The following RSPO2 variants were observed in gnomAD, a reference collection of about 807,000 sequenced individuals.
RSPO2 encodes the protein R-spondin-2.
In RSPO2, 14 loss-of-function variants were observed where a neutral mutation model predicts 30.9. The observed-to-expected ratio is 0.45, with a 90% confidence interval of 0.30 to 0.71. RSPO2 has a LOEUF of 0.71. Among genes scored for constraint, RSPO2 ranks in the 30% least tolerant of loss-of-function variants. The probability of loss-of-function intolerance (pLI) is 0.08; values close to 1 mark genes in which losing one functional copy is unlikely to be tolerated. For missense variants in RSPO2, 264 were observed against 301.9 expected, an observed-to-expected ratio of 0.87 and a Z score of 0.93; for synonymous variants, 107 against 96.4, an observed-to-expected ratio of 1.11 and a Z score of -0.64.
chr8:107,941,540 C>T (rs371022245), intron 5 of RSPO2, among the ~76,000 whole-genome samples: 5 of 151,992 alleles, frequency 3.3e-5, no homozygotes, highest in African/African-American at 9.7e-5. Flanking sequence ...AGATAGCCCC[C>T]GGCTAGATAT....
intron 2 of RSPO2, among the ~76,000 whole-genome samples, chr8:108,072,752 A>G (rs1156752690): frequency 6.6e-6 from 1 of 152,090 alleles, no homozygotes; most frequent in Non-Finnish European, 1.5e-5. Context: ...AATAACAACA[A>G]CAACTTTGGA....
At chr8:107,924,628 G>T (rs187606902) in intron 5 of RSPO2, among the ~76,000 whole-genome samples, 1 of 152,132 alleles carries the variant, frequency 6.6e-6, no homozygotes, top group Non-Finnish European at 1.5e-5. Flanking sequence ...TAGTAATTAA[G>T]AGCAGTAGGG....
Position 107,901,090 on chromosome 8 carries a change from G to A in RSPO2, c.717C>T (p.Asp239=), listed in dbSNP as rs1811444396. 6.2e-7 allele frequency: 1 copy of A among 1,613,798 alleles called. No homozygotes were observed. The highest frequency in any genetic ancestry group is 8.5e-7 in the Non-Finnish European group (1 of 1,179,990). The change falls in exon 6 of 6, where the codon GAC becomes GAT. Residue 239 remains aspartate (D), a synonymous_variant. Transcript: ENST00000276659. ...ATCTCTTGTTTTATTGGTTAGCTCTGTCTGTAGCTAGGAAGACGCTGTGTT... is the reference window on the plus strand; with the variant it reads ...ATCTCTTGTTTTATTGGTTAGCTCTATCTGTAGCTAGGAAGACGCTGTGTT... The part of the protein sequence containing the change: ...QEQHSVFLAT[D]RANQ
chr8:107,947,774 C>G (rs894631260), intron 5 of RSPO2, among the ~76,000 whole-genome samples: 1 of 152,236 alleles, frequency 6.6e-6, no homozygotes, highest in Non-Finnish European at 1.5e-5. Context: ...CTCCACAGTA[C>G]ACAAGGTAAA....
chr8:107,992,306 A>G (rs572013409), intron 2 of RSPO2, among the ~76,000 whole-genome samples: 3 of 152,272 alleles, frequency 2.0e-5, no homozygotes, highest in East Asian at 1.9e-4. Flanking sequence ...ACACAGAAAC[A>G]GAAAACAAAA....
At chr8:107,914,214 G>C (rs1159848153) in intron 5 of RSPO2, among the ~76,000 whole-genome samples, 1 of 152,098 alleles carries the variant, frequency 6.6e-6, no homozygotes, top group Non-Finnish European at 1.5e-5. Context: ...ACTGAAACTT[G>C]AGCTAAATTG....
chr8:108,069,356 G>A (rs1261107602), intron 2 of RSPO2, among the ~76,000 whole-genome samples: 1 of 152,134 alleles, frequency 6.6e-6, no homozygotes, highest in Non-Finnish European at 1.5e-5. Flanking sequence ...TAGGACTACA[G>A]GCATGCACCA....
At chr8:108,008,036 C>A (rs1049627497) in intron 2 of RSPO2, among the ~76,000 whole-genome samples, 29 of 152,148 alleles carry the variant, frequency 1.9e-4, no homozygotes, top group South Asian at 2.1e-4. Context: ...CATAGGCATT[C>A]ACGTATGCAG....
intron 5 of RSPO2, among the ~76,000 whole-genome samples, chr8:107,912,312 C>T (rs1811850133): frequency 6.6e-6 from 1 of 152,150 alleles, no homozygotes; most frequent in Non-Finnish European, 1.5e-5. Context: ...GCGAAGTTAA[C>T]TGCATGCAAT....
At chr8:107,950,360 C>G (rs1303414570) in intron 5 of RSPO2, among the ~76,000 whole-genome samples, 1 of 152,096 alleles carries the variant, frequency 6.6e-6, no homozygotes, top group Admixed American at 6.6e-5. Context: ...TGGTAGCAAA[C>G]CTAAAGTCAA....
chr8:108,030,005 AT>A (rs1445083431), intron 2 of RSPO2, among the ~76,000 whole-genome samples: 1 of 149,958 alleles, frequency 6.7e-6, no homozygotes, highest in Non-Finnish European at 1.5e-5. Context: ...GAGTTCAAAC[AT>A]TTTTTTTAAA....
At chr8:107,984,443 TTAAGG>T (rs1328183884) in intron 3 of RSPO2, among the ~76,000 whole-genome samples, 2 of 152,238 alleles carry the variant, frequency 1.3e-5, no homozygotes, top group East Asian at 1.9e-4. Flanking sequence ...TTTTGTTTGT[TTAAGG>T]TAAGATCCAC....
intron 2 of RSPO2, among the ~76,000 whole-genome samples, chr8:108,040,651 AGATGAT>A (rs1811726710): frequency 6.6e-6 from 1 of 152,194 alleles, no homozygotes; most frequent in Non-Finnish European, 1.5e-5. Flanking sequence ...AAGAGTAATC[AGATGAT>A]GACTAATGTG....
At chr8:108,006,140 T>C (rs1322493287) in intron 2 of RSPO2, among the ~76,000 whole-genome samples, 1 of 152,130 alleles carries the variant, frequency 6.6e-6, no homozygotes, top group East Asian at 1.9e-4. Flanking sequence ...CCAAAGTTTC[T>C]AAATTAGAAT....
rs989977665 is a variant in RSPO2, at chr8:108,083,352, G to T, written c.-325C>A. Reference sequence around the variant, plus strand: ...TCTGGAATTCCAGCGGCCGCCGCGGGGTTGGCGACGCCAGGCAGGAGCGCG... The same window carrying T: ...TCTGGAATTCCAGCGGCCGCCGCGGTGTTGGCGACGCCAGGCAGGAGCGCG... On this transcript the variant is annotated 5_prime_UTR_variant, in exon 1 of 6. Transcript: ENST00000276659. 6.6e-6 allele frequency: 1 copy of T among 152,326 alleles called. No individual in the cohort carries two copies. The highest frequency in any genetic ancestry group is 1.5e-5 in the Non-Finnish European group (1 of 68,124). 9.4% of individuals were successfully genotyped at this position (152,326 alleles called of 1,614,324 possible).
intron 5 of RSPO2, among the ~76,000 whole-genome samples, chr8:107,947,500 T>C (rs1282805017): frequency 6.6e-6 from 1 of 152,068 alleles, no homozygotes; most frequent in Non-Finnish European, 1.5e-5. Flanking sequence ...CAAAAAGAGA[T>C]ACAGGGGCCA....
intron 5 of RSPO2, among the ~76,000 whole-genome samples, chr8:107,903,064 A>G (rs539919836): frequency 5.9e-5 from 9 of 152,244 alleles, no homozygotes; most frequent in African/African-American, 2.2e-4. Flanking sequence ...AGAAAAATGA[A>G]ATATTTAATA....
chr8:107,919,944 C>T (rs1293151941), intron 5 of RSPO2, among the ~76,000 whole-genome samples: 2 of 152,122 alleles, frequency 1.3e-5, no homozygotes, highest in Non-Finnish European at 2.9e-5. Flanking sequence ...TGATGAAGAA[C>T]ATTTTTCACT....
intron 5 of RSPO2, among the ~76,000 whole-genome samples, chr8:107,938,541 T>C (rs1234835585): frequency 6.6e-6 from 1 of 152,070 alleles, no homozygotes; most frequent in African/African-American, 2.4e-5. Context: ...ACCAAGTCGA[T>C]TAAAAATTGG....
Sources: allele counts gnomAD v4.1 joint callset (sites outside exome capture counted in the v4.1 genomes callset), GRCh38; gene constraint gnomAD v4.1.1; transcripts MANE v1.5; gene names NCBI Gene and HGNC (gene_info 2026-07-23, HGNC 2026-07-21).